Variants in ERICH3 observed in about 807,000 individuals in gnomAD.
ERICH3 encodes the protein glutamate rich 3.
A neutral mutation model predicts 131.1 loss-of-function variants in ERICH3; 126 were observed. That is an observed-to-expected ratio of 0.96 (90% CI 0.83 to 1.11). The LOEUF is 1.11. Ranked by LOEUF, ERICH3 falls within the 50% of genes most tolerant of loss-of-function variation. The pLI is 0.00. For missense variants in ERICH3, 2,050 were observed against 1,810.7 expected (o/e 1.13, Z -2.40); for synonymous variants, 695 against 644.6 (o/e 1.08, Z -1.18).
chr1:74,641,205 T>C, intron 5 of ERICH3, 126 bp downstream of exon 5: 2 of 1,086,328 alleles, frequency 1.8e-6, no homozygotes, highest in East Asian at 2.6e-5. Context: ...TATAAGACTA[T>C]ATTTTCATTC....
At chr1:74,648,541 A>T (rs529338929) in intron 2 of ERICH3, among the ~76,000 whole-genome samples, 15 of 152,294 alleles carry the variant, frequency 9.8e-5, no homozygotes, top group African/African-American at 3.4e-4. Flanking sequence ...CAGAAACAAC[A>T]ATTAGAAATG....
chr1:74,618,190 T>C (rs1327558720), intron 8 of ERICH3, among the ~76,000 whole-genome samples: 1 of 152,090 alleles, frequency 6.6e-6, no homozygotes, highest in East Asian at 1.9e-4. Flanking sequence ...ACCGTTAATA[T>C]AAGTCAAAGC....
At chr1:74,654,019 T>G (rs549879016) in intron 1 of ERICH3, among the ~76,000 whole-genome samples, 1 of 152,328 alleles carries the variant, frequency 6.6e-6, no homozygotes, top group African/African-American at 2.4e-5. Flanking sequence ...CAATTTATTA[T>G]AAGATTGCCT....
chr1:74,597,970 T>C (rs1647935025), intron 11 of ERICH3, among the ~76,000 whole-genome samples: 1 of 151,976 alleles, frequency 6.6e-6, no homozygotes, highest in South Asian at 2.1e-4. Flanking sequence ...GAACATTACT[T>C]ACTTATGCTG....
chr1:74,571,155 C>T lies in ERICH3; in HGVS notation c.4555G>A (p.Glu1519Lys). 1 of 1,614,040 alleles carries T rather than the reference C, an allele frequency of 6.2e-7. No homozygotes were observed. Among genetic ancestry groups the T allele is most frequent in the Non-Finnish European group, 8.5e-7 (1 of 1,179,982 alleles). ...KQQHMVQGES[E>K]TADVSPNNVQ... The stretch of plus-strand genomic sequence containing the variant: ...TTGTTGGGGGAAACATCTGCAGTCT[C>T]GCTTTCTCCTTGCACCATATGCTGT... The change falls in exon 14 of 15, where the codon GAG (glutamate) becomes AAG (lysine). Residue 1519 changes from glutamate (E) to lysine (K), a missense_variant. Physicochemically the swap from Glu to Lys is moderately conservative, Grantham distance 56. Transcript: ENST00000326665.
At chr1:74,660,410 A>G (rs1298517809) in intron 1 of ERICH3, among the ~76,000 whole-genome samples, 2 of 151,718 alleles carry the variant, frequency 1.3e-5, no homozygotes, top group East Asian at 1.9e-4. Context: ...GGCAGTTACC[A>G]TTGTGTGTCA....
rs573803806 is a variant in ERICH3, at chr1:74,656,427, T to C, written c.24-7112A>G. ...TACCATCACTTTTGAAACAACTCCA[T>C]CACAAAATAGTCATCGCATGGCGGA... On this transcript the variant is annotated intron_variant, in intron 1 of 14. Transcript: ENST00000326665. 5.3e-5 allele frequency among the ~76,000 whole-genome samples: 8 copies of C among 152,210 alleles called. No individual in the cohort carries two copies. In the South Asian group the frequency reaches 1.7e-3, roughly 32 times the overall value.
In ERICH3 at chr1:74,585,956, A is replaced by G. The variant is rs565738742; in HGVS notation, c.2176+3675T>C. Among the ~76,000 whole-genome samples, 8 of 152,226 alleles carry G rather than the reference A, an allele frequency of 5.3e-5. 1 individual carries two copies. In the East Asian group the frequency reaches 1.5e-3, roughly 29 times the overall value. On this transcript the variant is annotated intron_variant, in intron 12 of 14. Coordinates refer to ENST00000326665, the MANE Select transcript of ERICH3 (RefSeq NM_001002912.5). ...ATTTACTCAGCCTCAGGTTTTTGAT[A>G]GCATTAATCCTTCCACATCATTCTG...
intron 1 of ERICH3, among the ~76,000 whole-genome samples, chr1:74,665,261 C>A (rs534407451): frequency 1.3e-5 from 2 of 151,848 alleles, no homozygotes; most frequent in South Asian, 4.2e-4. Flanking sequence ...CCTCACCAGA[C>A]CCTGCAAATG....
rs762927326 is a variant in ERICH3 at position 74,573,082 on chromosome 1, A to G, written c.2628T>C (p.Pro876=). Reference sequence around the variant, plus strand: ...CTGTGAGCATCAAGGCTTGCTTTTCAGGAGCCTCATCTTTACTCAGACCCA... The same window carrying G: ...CTGTGAGCATCAAGGCTTGCTTTTCGGGAGCCTCATCTTTACTCAGACCCA... The part of the protein sequence containing the change: ...DAVGLSKDEA[P]EKQALMLTVL... The change falls in exon 14 of 15, where the codon CCT becomes CCC. Residue 876 remains proline (P), a synonymous_variant. Coordinates refer to ENST00000326665, the MANE Select transcript of ERICH3 (RefSeq NM_001002912.5). 5.0e-6 allele frequency: 8 copies of G among 1,614,040 alleles called. No homozygotes were observed. The highest frequency in any genetic ancestry group is 3.3e-5 in the Admixed American group (2 of 60,006).
At chr1:74,593,151 C>T (rs1443427328) in intron 11 of ERICH3, among the ~76,000 whole-genome samples, 7 of 152,066 alleles carry the variant, frequency 4.6e-5, no homozygotes, top group Admixed American at 1.3e-4. Flanking sequence ...AGGTCTTGGC[C>T]GAAGCCAGCA....
intron 6 of ERICH3, among the ~76,000 whole-genome samples, chr1:74,633,558 C>G (rs562130800): frequency 6.6e-6 from 1 of 151,850 alleles, no homozygotes; most frequent in Non-Finnish European, 1.5e-5. Flanking sequence ...ACATGTTGTT[C>G]TTTACCTTGC....
At chr1:74,672,606 CT>C (rs1307736153) in intron 1 of ERICH3, among the ~76,000 whole-genome samples, 1 of 152,078 alleles carries the variant, frequency 6.6e-6, no homozygotes, top group Non-Finnish European at 1.5e-5. Context: ...TTTGCTGCTC[CT>C]AAAAATGTGC....
rs747578859 is a variant in ERICH3, at chr1:74,606,754, T to C, written c.1336A>G (p.Lys446Glu). 1.9e-6 allele frequency: 3 copies of C among 1,613,516 alleles called. No individual in the cohort carries two copies. Residue 446 changes from lysine to glutamate, a missense_variant, in exon 10 of 15, where the codon AAG (lysine) becomes GAG (glutamate). By Grantham distance (56) the Lys-to-Glu change is moderately conservative. Transcript: ENST00000326665. ...GCTGAAACAGAGGTTTTGTTCTCCT[T>C]GATCTCATTTCTTTTTGGTATCACA... ...EYVIPKRNEIKENKTSVSAKF... is the reference protein window; with the variant it reads ...EYVIPKRNEIEENKTSVSAKF...
Position 74,571,498 on chromosome 1 carries a change from C to T in ERICH3, c.4212G>A (p.Val1404=), listed in dbSNP as rs751073817. 9.9e-6 allele frequency: 16 copies of T among 1,614,128 alleles called. No homozygotes were observed. The highest frequency in any genetic ancestry group is 1.4e-5 in the Non-Finnish European group (16 of 1,180,022). Residue 1404 remains valine, a synonymous_variant, in exon 14 of 15, where the codon GTG becomes GTA. Coordinates refer to ENST00000326665, the MANE Select transcript of ERICH3 (RefSeq NM_001002912.5). The part of the protein sequence containing the change: ...VGKTAAAGKV[V]VEELARSGEE... ...CCCCACTCCGTGCTAATTCCTCTACCACCACCTTCCCTGCAGCTGCTGTTT... is the reference window on the plus strand; with the variant it reads ...CCCCACTCCGTGCTAATTCCTCTACTACCACCTTCCCTGCAGCTGCTGTTT...
At chr1:74,627,212 T>G (rs1649447660) in intron 7 of ERICH3, among the ~76,000 whole-genome samples, 1 of 152,070 alleles carries the variant, frequency 6.6e-6, no homozygotes, top group South Asian at 2.1e-4. Flanking sequence ...AAATCATGTG[T>G]GAAGATGACT....
At position 74,606,604 on chromosome 1, in the gene ERICH3, A is replaced by AT; in HGVS notation, c.1485dup (p.Tyr496IlefsTer2). On this transcript the variant is annotated frameshift_variant, in exon 10 of 15. Transcript: ENST00000326665. LOFTEE classifies it high-confidence loss of function. ...AGAAACTTGTGTTGTTGATTACCAT[A>AT]TTTTAAAGTATTTTCCTGGTCGTCT... 1 of 1,600,000 alleles carries AT rather than the reference A, an allele frequency of 6.3e-7. No individual in the cohort carries two copies. The highest frequency in any genetic ancestry group is 1.1e-5 in the South Asian group (1 of 88,714).
intron 1 of ERICH3, among the ~76,000 whole-genome samples, chr1:74,662,504 A>T (rs1646653069): frequency 6.6e-6 from 1 of 152,176 alleles, no homozygotes; most frequent in African/African-American, 2.4e-5. Context: ...TTAGGAGATG[A>T]TCAGAAATAA....
At chr1:74,649,006 C>T (rs187197392) in intron 2 of ERICH3, among the ~76,000 whole-genome samples, 1 of 152,204 alleles carries the variant, frequency 6.6e-6, no homozygotes, top group Admixed American at 6.6e-5. Flanking sequence ...AGGACCTTTT[C>T]CTCAATAATT....
Sources: gnomAD v4.1 joint callset for allele counts (sites outside exome capture counted in the v4.1 genomes callset) on GRCh38, gnomAD v4.1.1 for gene constraint, MANE v1.5 for transcripts, NCBI Gene and HGNC (gene_info 2026-07-23, HGNC 2026-07-21) for gene names.